Variants in GRIK1 observed in about 807,000 individuals in gnomAD.
The protein encoded by GRIK1 is glutamate receptor ionotropic, kainate 1.
Under a neutral mutation model 105.7 loss-of-function variants are expected in GRIK1, and 69 were observed. The ratio of observed to expected loss-of-function variants is 0.65; its 90% CI spans 0.54 to 0.80. The LOEUF (loss-of-function observed/expected upper bound fraction) is 0.80. Ranked by LOEUF, GRIK1 falls within the 30% of genes least tolerant of loss-of-function variation. The probability of loss-of-function intolerance (pLI) is 0.00; values close to 1 mark genes in which losing one functional copy is unlikely to be tolerated. For missense variants in GRIK1, 1,109 were observed against 1,167.3 expected (o/e 0.95, Z 0.73); for synonymous variants, 438 against 431.3 (o/e 1.02, Z -0.19).
chr21:29,699,824 T>C (rs2146762260), intron 1 of GRIK1, among the ~76,000 whole-genome samples: 1 of 152,114 alleles, frequency 6.6e-6, no homozygotes. Context: ...AATTTTTGTA[T>C]TTTTAGTACA....
In GRIK1 at chr21:29,847,412, G is replaced by A. The variant is rs1004205334; in HGVS notation, c.118+91971C>T. Among the ~76,000 whole-genome samples, 4 of 152,264 alleles carry A rather than the reference G, an allele frequency of 2.6e-5. No homozygotes were observed. In the South Asian group the frequency reaches 8.3e-4, roughly 32 times the overall value. ...AGTTCGAGACCATCCTGGCCAACAT[G>A]GTGAAACTTCCGTCTCTACTAAAAA... is the stretch of plus-strand genomic sequence containing the variant. On this transcript the variant is annotated intron_variant, in intron 1 of 17. Coordinates refer to ENST00000327783, the MANE Select transcript of GRIK1 (RefSeq NM_001330994.2).
At chr21:29,883,666 A>T (rs897473289) in intron 1 of GRIK1, among the ~76,000 whole-genome samples, 1 of 152,102 alleles carries the variant, frequency 6.6e-6, no homozygotes, top group African/African-American at 2.4e-5. Flanking sequence ...TAAAGAAATC[A>T]GACTATAATC....
chr21:29,719,539 G>C lies in GRIK1; in HGVS notation c.119-25476C>G, dbSNP rs142186326. 5.9e-3 allele frequency among the ~76,000 whole-genome samples: 899 copies of C among 152,048 alleles called. 16 individuals carry two copies. Among genetic ancestry groups the C allele is most frequent in the African/African-American group, 0.02 (847 of 41,502 alleles). On this transcript the variant is annotated intron_variant, in intron 1 of 17. Transcript: ENST00000327783. Reference sequence around the variant, plus strand: ...CTTGAGAAGAATTTAAAACATATAGGTTTCAAATATTCAACTAAGCTTCAA... The same window carrying C: ...CTTGAGAAGAATTTAAAACATATAGCTTTCAAATATTCAACTAAGCTTCAA...
intron 1 of GRIK1, among the ~76,000 whole-genome samples, chr21:29,884,586 G>C (rs1360818742): frequency 6.6e-6 from 1 of 152,024 alleles, no homozygotes. Flanking sequence ...AAACATGAAA[G>C]TGGGTGCCAA....
At chr21:29,823,977 C>CT (rs755898665) in intron 1 of GRIK1, among the ~76,000 whole-genome samples, 33 of 151,870 alleles carry the variant, frequency 2.2e-4, no homozygotes, top group Non-Finnish European at 3.8e-4. Context: ...AACAAGGAGT[C>CT]TAACAGGATC....
At chr21:29,938,555 A>G (rs1198107500) in intron 1 of GRIK1, among the ~76,000 whole-genome samples, 3 of 152,050 alleles carry the variant, frequency 2.0e-5, no homozygotes, top group Non-Finnish European at 4.4e-5. Flanking sequence ...CGCCCCTTCC[A>G]CTGTCCTTGC....
At chr21:29,588,800 A>AAT (rs752072697) in intron 11 of GRIK1, 39 bp downstream of exon 11, 9 of 1,052,050 alleles carry the variant, frequency 8.6e-6, no homozygotes, top group Non-Finnish European at 1.3e-5. Context: ...ACTTTCTCTT[A>AAT]TGCATATTTT....
At chr21:29,824,958 G>A (rs897678558) in intron 1 of GRIK1, among the ~76,000 whole-genome samples, 5 of 152,088 alleles carry the variant, frequency 3.3e-5, no homozygotes, top group South Asian at 4.2e-4. Context: ...ATGGTGAGAC[G>A]TGGTCTGATG....
chr21:29,873,947 C>A (rs1333179084), intron 1 of GRIK1, among the ~76,000 whole-genome samples: 1 of 152,162 alleles, frequency 6.6e-6, no homozygotes, highest in East Asian at 1.9e-4. Flanking sequence ...TAATTAGATT[C>A]TCGTGAGGGG....
intron 4 of GRIK1, among the ~76,000 whole-genome samples, chr21:29,664,506 C>T (rs1242942927): frequency 6.6e-6 from 1 of 151,994 alleles, no homozygotes; most frequent in African/African-American, 2.4e-5. Context: ...TAATGAATCA[C>T]CTGAACCTTC....
intron 1 of GRIK1, among the ~76,000 whole-genome samples, chr21:29,919,147 A>T (rs991475315): frequency 6.6e-6 from 1 of 152,074 alleles, no homozygotes; most frequent in Non-Finnish European, 1.5e-5. Flanking sequence ...ACATGAAATC[A>T]ATAGAAAGGG....
At position 29,673,057 on chromosome 21, in the gene GRIK1, C is replaced by T. The variant is rs780797570; in HGVS notation, c.652G>A (p.Glu218Lys). ...GNKDAKPLLKEMKKGKEFYVI... is the reference protein window; with the variant it reads ...GNKDAKPLLKKMKKGKEFYVI... The stretch of plus-strand genomic sequence containing the variant: ...TAGAACTCCTTGCCTTTCTTCATCT[C>T]CTTGAGTAAAGGCTTGGCATCTTTA... Residue 218 changes from glutamate to lysine, a missense_variant, in exon 4 of 18, where the codon GAG becomes AAG. Transcript: ENST00000327783. The T allele has an allele frequency of 1.9e-6, 3 of 1,611,888 alleles. No individual in the cohort carries two copies. The highest frequency in any genetic ancestry group is 2.2e-5 in the East Asian group (1 of 44,886).
At chr21:29,859,677 A>G (rs932849137) in intron 1 of GRIK1, among the ~76,000 whole-genome samples, 1 of 152,196 alleles carries the variant, frequency 6.6e-6, no homozygotes, top group Non-Finnish European at 1.5e-5. Context: ...ATTTTGATTT[A>G]TCAGCACTGG....
intron 1 of GRIK1, among the ~76,000 whole-genome samples, chr21:29,718,153 T>C (rs1281195142): frequency 6.6e-6 from 1 of 152,192 alleles, no homozygotes; most frequent in Non-Finnish European, 1.5e-5. Flanking sequence ...ATTAAATCTC[T>C]TTTTTATAAA....
chr21:29,547,275 G>A (rs2090064769), intron 16 of GRIK1, among the ~76,000 whole-genome samples: 1 of 152,178 alleles, frequency 6.6e-6, no homozygotes, highest in Non-Finnish European at 1.5e-5. Context: ...ATATCCAGGG[G>A]AGGCCTTTCT....
chr21:29,925,541 T>A (rs976342382), intron 1 of GRIK1, among the ~76,000 whole-genome samples: 1 of 152,158 alleles, frequency 6.6e-6, no homozygotes, highest in Non-Finnish European at 1.5e-5. Flanking sequence ...AAATTAAAAC[T>A]TCATAGTCTG....
chr21:29,822,535 C>G (rs529093463), intron 1 of GRIK1, among the ~76,000 whole-genome samples: 11 of 152,118 alleles, frequency 7.2e-5, no homozygotes, highest in African/African-American at 2.6e-4. Context: ...TCCACAACCC[C>G]TTGCAACAAG....
chr21:29,768,307 A>C (rs1413416554), intron 1 of GRIK1, among the ~76,000 whole-genome samples: 1 of 152,168 alleles, frequency 6.6e-6, no homozygotes, highest in Non-Finnish European at 1.5e-5. Context: ...ATCTGATGCC[A>C]ATGATCTTAG....
chr21:29,764,303 T>C (rs1391711500), intron 1 of GRIK1, among the ~76,000 whole-genome samples: 1 of 152,172 alleles, frequency 6.6e-6, no homozygotes, highest in Non-Finnish European at 1.5e-5. Flanking sequence ...AACACTTTAT[T>C]TTTCCACGGA....
Sources: gnomAD v4.1 joint callset for allele counts (sites outside exome capture counted in the v4.1 genomes callset) on GRCh38, gnomAD v4.1.1 for gene constraint, MANE v1.5 for transcripts, NCBI Gene and HGNC (gene_info 2026-07-23, HGNC 2026-07-21) for gene names.